The following ZNF804B variants were observed in gnomAD, a reference collection of about 807,000 sequenced individuals.
ZNF804B encodes the protein zinc finger protein 804B, also known as zinc finger 804B.
Under a neutral mutation model 101.4 loss-of-function variants are expected in ZNF804B, and 80 were observed. The observed-to-expected ratio is 0.79, with a 90% CI of 0.66 to 0.95. The LOEUF is 0.95. Among genes scored for constraint, ZNF804B ranks in the 40% least tolerant of loss-of-function variants. ZNF804B has a pLI of 0.00. For missense variants in ZNF804B, 1,673 were observed against 1,561.9 expected (o/e 1.07, Z -1.20); for synonymous variants, 622 against 558.8 (o/e 1.11, Z -1.59).
At position 89,220,179 on chromosome 7, in the gene ZNF804B, G is replaced by GTATATCCACACATATATATGTGCGTA. The variant is rs1788982905; in HGVS notation, c.249+1889_249+1890insCCACACATATATATGTGCGTATATAT. Among the ~76,000 whole-genome samples the GTATATCCACACATATATATGTGCGTA allele has an allele frequency of 5.7e-4, 26 of 45,222 alleles. 2 individuals carry two copies. The highest frequency in any genetic ancestry group is 2.6e-3 in the African/African-American group (26 of 10,092). 29.7% of individuals were successfully genotyped at this position (45,222 alleles called of 152,430 possible). On this transcript the variant is annotated intron_variant, in intron 2 of 3. Transcript: ENST00000333190. ...TATATATACGCACATATATATGTGT[G>GTATATCCACACATATATATGTGCGTA]TATATATATATATCCTTGGGAAATG...
intron 2 of ZNF804B, among the ~76,000 whole-genome samples, chr7:89,237,107 GA>G (rs955476511): frequency 3.2e-4 from 48 of 150,332 alleles, no homozygotes; most frequent in Non-Finnish European, 5.9e-4. Context: ...TCACCCAGAA[GA>G]AAAAAAAATT....
intron 1 of ZNF804B, among the ~76,000 whole-genome samples, chr7:89,110,510 A>G (rs1348894916): frequency 1.3e-5 from 2 of 152,240 alleles, no homozygotes; most frequent in Non-Finnish European, 1.5e-5. Context: ...TTAAGGAGAC[A>G]GATATAAGTG....
chr7:88,897,398 A>G (rs1792306619), intron 1 of ZNF804B, among the ~76,000 whole-genome samples: 1 of 152,194 alleles, frequency 6.6e-6, no homozygotes, highest in Non-Finnish European at 1.5e-5. Flanking sequence ...GGTGGCTTCT[A>G]CAGGCTGGAA....
At chr7:88,871,167 A>G (rs1583987835) in intron 1 of ZNF804B, among the ~76,000 whole-genome samples, 2 of 152,162 alleles carry the variant, frequency 1.3e-5, no homozygotes, top group East Asian at 3.9e-4. Context: ...AGGTGAAGAT[A>G]CCTGAAAAAT....
At chr7:88,815,083 C>A (rs1790854310) in intron 1 of ZNF804B, among the ~76,000 whole-genome samples, 1 of 147,498 alleles carries the variant, frequency 6.8e-6, no homozygotes, top group Non-Finnish European at 1.5e-5. Flanking sequence ...TATATGTGTT[C>A]ATACATATAT....
rs769670567 is a variant in ZNF804B at position 88,794,864 on chromosome 7, G to T, written c.108+34780G>T. 3.7e-6 allele frequency: 6 copies of T among 1,612,812 alleles called. No individual in the cohort carries two copies. In the African/African-American group the frequency reaches 4.0e-5, roughly 11 times the overall value. On this transcript the variant is annotated intron_variant, in intron 1 of 3. Transcript: ENST00000333190. ...TCTTGAAAGTGCAGGTAATTGCTACGTGGGACTTGGAGAAAAAGAAGAGGT... is the reference window on the plus strand; with the variant it reads ...TCTTGAAAGTGCAGGTAATTGCTACTTGGGACTTGGAGAAAAAGAAGAGGT...
chr7:88,804,993 C>G (rs1431131157), intron 1 of ZNF804B, among the ~76,000 whole-genome samples: 2 of 152,022 alleles, frequency 1.3e-5, no homozygotes, highest in East Asian at 3.9e-4. Context: ...ATATTTCACA[C>G]TAGAGTATTT....
chr7:89,081,081 T>C (rs1032493881), intron 1 of ZNF804B, among the ~76,000 whole-genome samples: 1 of 151,844 alleles, frequency 6.6e-6, no homozygotes, highest in Admixed American at 6.6e-5. Flanking sequence ...AACCGAGGGA[T>C]GTTGGAGCAA....
chr7:89,155,601 T>A (rs1228321477), intron 1 of ZNF804B, among the ~76,000 whole-genome samples: 1 of 152,290 alleles, frequency 6.6e-6, no homozygotes, highest in African/African-American at 2.4e-5. Context: ...CTGAATCAGG[T>A]ATGTATCATG....
intron 1 of ZNF804B, among the ~76,000 whole-genome samples, chr7:88,812,847 A>G (rs1462873037): frequency 6.6e-6 from 1 of 152,090 alleles, no homozygotes; most frequent in Non-Finnish European, 1.5e-5. Flanking sequence ...AGGTATCTAA[A>G]TTAGTCAAAT....
chr7:89,061,646 G>A (rs1289115986), intron 1 of ZNF804B, among the ~76,000 whole-genome samples: 1 of 151,970 alleles, frequency 6.6e-6, no homozygotes, highest in Non-Finnish European at 1.5e-5. Flanking sequence ...CCTTGTGTGA[G>A]TTACTCACCT....
intron 1 of ZNF804B, among the ~76,000 whole-genome samples, chr7:89,170,642 C>G (rs1218727335): frequency 6.6e-6 from 1 of 152,142 alleles, no homozygotes; most frequent in Non-Finnish European, 1.5e-5. Context: ...TTCTTGTTTT[C>G]TTGTTGCCTT....
At chr7:89,033,183 T>C (rs372393418) in intron 1 of ZNF804B, among the ~76,000 whole-genome samples, 1 of 152,106 alleles carries the variant, frequency 6.6e-6, no homozygotes, top group Non-Finnish European at 1.5e-5. Context: ...TTGAGTTCTA[T>C]TGTTTTAGAA....
chr7:89,327,826 T>C (rs199879137), intron 3 of ZNF804B, among the ~76,000 whole-genome samples: 2 of 151,894 alleles, frequency 1.3e-5, no homozygotes, highest in South Asian at 4.1e-4. Flanking sequence ...TCTTAGGGGG[T>C]GGGGAATAAG....
intron 1 of ZNF804B, among the ~76,000 whole-genome samples, chr7:88,956,369 A>G (rs900581419): frequency 1.1e-4 from 17 of 151,598 alleles, no homozygotes; most frequent in African/African-American, 4.1e-4. Context: ...CAACCAAATT[A>G]TGTCATTGTT....
chr7:89,007,651 G>T (rs1226558691), intron 1 of ZNF804B, among the ~76,000 whole-genome samples: 2 of 144,350 alleles, frequency 1.4e-5, no homozygotes, highest in South Asian at 2.2e-4. Context: ...AAAAAGCTTT[G>T]AAGTATTTAT....
chr7:88,861,720 T>C (rs1791649594), intron 1 of ZNF804B, among the ~76,000 whole-genome samples: 1 of 152,198 alleles, frequency 6.6e-6, no homozygotes, highest in Non-Finnish European at 1.5e-5. Flanking sequence ...ATTTACAGTT[T>C]CAGTGTACTT....
chr7:89,131,863 C>T (rs1449114640), intron 1 of ZNF804B, among the ~76,000 whole-genome samples: 2 of 151,862 alleles, frequency 1.3e-5, no homozygotes, highest in African/African-American at 2.4e-5. Flanking sequence ...AACCTGTTTC[C>T]CATTCAAGCC....
At chr7:89,067,012 C>CT (rs929477106) in intron 1 of ZNF804B, among the ~76,000 whole-genome samples, 2 of 151,888 alleles carry the variant, frequency 1.3e-5, no homozygotes, top group Non-Finnish European at 2.9e-5. Context: ...ATATCTAACT[C>CT]TTTTTTCTAC....
Sources: gnomAD v4.1 joint callset for allele counts (sites outside exome capture counted in the v4.1 genomes callset) on GRCh38, gnomAD v4.1.1 for gene constraint, MANE v1.5 for transcripts, NCBI Gene and HGNC (gene_info 2026-07-23, HGNC 2026-07-21) for gene names.